TBC1D5: variants seen among roughly 807,000 people sequenced by gnomAD.
The protein encoded by TBC1D5 is TBC1 domain family, member 5.
A neutral mutation model predicts 100.3 loss-of-function variants in TBC1D5; 75 were observed. The observed-to-expected ratio is 0.75, with a 90% CI of 0.62 to 0.91. The LOEUF (loss-of-function observed/expected upper bound fraction) is 0.91. Ranked by LOEUF, TBC1D5 falls within the 40% of genes least tolerant of loss-of-function variation. TBC1D5 has a pLI of 0.00. For synonymous variants in TBC1D5, 323 were observed against 325.6 expected (o/e 0.99, Z 0.09); for missense variants, 910 against 942.4 (o/e 0.97, Z 0.45).
At chr3:17,464,474 T>C (rs796744345) in intron 3 of TBC1D5, among the ~76,000 whole-genome samples, 5 of 152,338 alleles carry the variant, frequency 3.3e-5, no homozygotes, top group Admixed American at 1.3e-4. Context: ...ACTATTTCTT[T>C]CATGTAAACT....
At chr3:17,314,021 C>G (rs1393346729) in intron 13 of TBC1D5, among the ~76,000 whole-genome samples, 1 of 152,166 alleles carries the variant, frequency 6.6e-6, no homozygotes, top group African/African-American at 2.4e-5. Flanking sequence ...TGCCCTGACC[C>G]TGTCTTGCAG....
intron 3 of TBC1D5, among the ~76,000 whole-genome samples, chr3:17,471,791 A>G (rs1307886154): frequency 6.6e-6 from 1 of 152,162 alleles, no homozygotes. Context: ...GTGTTTTTCA[A>G]CCTGAGGAAA....
At chr3:17,210,183 T>C (rs2072773912) in intron 18 of TBC1D5, among the ~76,000 whole-genome samples, 1 of 152,034 alleles carries the variant, frequency 6.6e-6, no homozygotes, top group African/African-American at 2.4e-5. Context: ...GTAATTTTTT[T>C]TCAGAACTTT....
intron 18 of TBC1D5, among the ~76,000 whole-genome samples, chr3:17,200,136 C>A (rs975716696): frequency 6.6e-6 from 1 of 152,096 alleles, no homozygotes; most frequent in Non-Finnish European, 1.5e-5. Context: ...TAACATAAGG[C>A]CAATTTGTTC....
intron 1 of TBC1D5, among the ~76,000 whole-genome samples, chr3:17,674,261 T>G (rs567297060): frequency 6.6e-6 from 1 of 152,188 alleles, no homozygotes; most frequent in African/African-American, 2.4e-5. Flanking sequence ...CTTTGAAAAT[T>G]TGACAGGTCA....
chr3:17,433,105 TA>T (rs754297460), intron 3 of TBC1D5, among the ~76,000 whole-genome samples: 3 of 152,074 alleles, frequency 2.0e-5, no homozygotes, highest in Non-Finnish European at 4.4e-5. Context: ...GTCTGGTACT[TA>T]GTTCTCGAAG....
chr3:17,646,521 C>T (rs2065029240), intron 1 of TBC1D5, among the ~76,000 whole-genome samples: 2 of 152,128 alleles, frequency 1.3e-5, no homozygotes, highest in Non-Finnish European at 2.9e-5. Context: ...TCTTGCTCCT[C>T]TTTCAATTAC....
At chr3:17,593,507 C>G (rs879813791) in intron 2 of TBC1D5, among the ~76,000 whole-genome samples, 1 of 152,212 alleles carries the variant, frequency 6.6e-6, no homozygotes, top group African/African-American at 2.4e-5. Flanking sequence ...GTTGATTATA[C>G]TGGACCTGTT....
intron 3 of TBC1D5, among the ~76,000 whole-genome samples, chr3:17,492,035 T>C (rs1219245490): frequency 6.6e-6 from 1 of 152,186 alleles, no homozygotes; most frequent in Non-Finnish European, 1.5e-5. Flanking sequence ...AGGGTGTATG[T>C]GTACAGGAAT....
At chr3:17,175,039 A>G (rs1171774502) in intron 19 of TBC1D5, among the ~76,000 whole-genome samples, 3 of 152,260 alleles carry the variant, frequency 2.0e-5, no homozygotes, top group Non-Finnish European at 4.4e-5. Context: ...AGAGATACTA[A>G]TATGATTAAC....
chr3:17,676,297 G>A (rs1201680846), intron 1 of TBC1D5, among the ~76,000 whole-genome samples: 1 of 152,064 alleles, frequency 6.6e-6, no homozygotes, highest in Non-Finnish European at 1.5e-5. Context: ...AAATATGTCA[G>A]CAAAGTCTCA....
chr3:17,392,610 C>T (rs553709283), intron 8 of TBC1D5, among the ~76,000 whole-genome samples: 13 of 152,120 alleles, frequency 8.5e-5, no homozygotes, highest in Middle Eastern at 3.4e-3. Context: ...TGAGAACATG[C>T]GGTGTTTGGT....
At chr3:17,294,329 C>T (rs761068001) in intron 14 of TBC1D5, among the ~76,000 whole-genome samples, 27 of 152,156 alleles carry the variant, frequency 1.8e-4, no homozygotes, top group Non-Finnish European at 3.5e-4. Flanking sequence ...ATGCAATCCT[C>T]CTGCCCCAGC....
chr3:17,719,232 G>A (rs2075493124), intron 1 of TBC1D5, among the ~76,000 whole-genome samples: 1 of 152,130 alleles, frequency 6.6e-6, no homozygotes, highest in African/African-American at 2.4e-5. Flanking sequence ...CATACACACT[G>A]ACAAACCACT....
chr3:17,270,086 G>A (rs1012729109), intron 15 of TBC1D5, among the ~76,000 whole-genome samples: 2 of 152,104 alleles, frequency 1.3e-5, no homozygotes, highest in Non-Finnish European at 2.9e-5. Flanking sequence ...TTTCCATAGC[G>A]GCTGAACTAA....
chr3:17,612,816 G>A (rs552958293), intron 2 of TBC1D5, among the ~76,000 whole-genome samples: 76 of 134,248 alleles, frequency 5.7e-4, no homozygotes, highest in Non-Finnish European at 1.0e-3. Context: ...AAATGAACAC[G>A]AAAAAAAAAC....
chr3:17,679,543 ATCC>A (rs2069160958), intron 1 of TBC1D5, among the ~76,000 whole-genome samples: 1 of 151,466 alleles, frequency 6.6e-6, no homozygotes, highest in Non-Finnish European at 1.5e-5. Flanking sequence ...AAGTCTTAAA[ATCC>A]TGCTGTGTAT....
chr3:17,689,731 A>G (rs1238001548), intron 1 of TBC1D5, among the ~76,000 whole-genome samples: 1 of 152,140 alleles, frequency 6.6e-6, no homozygotes, highest in Non-Finnish European at 1.5e-5. Flanking sequence ...TCAACTATGG[A>G]AGACACTGCC....
chr3:17,532,990 AT>A (rs963678049), intron 2 of TBC1D5, among the ~76,000 whole-genome samples: 9 of 149,036 alleles, frequency 6.0e-5, no homozygotes, highest in African/African-American at 2.3e-4. Flanking sequence ...GTATAATAAA[AT>A]TAAAAAAAAA....
Sources: allele counts gnomAD v4.1 joint callset (sites outside exome capture counted in the v4.1 genomes callset), GRCh38; gene constraint gnomAD v4.1.1; transcripts MANE v1.5; gene names NCBI Gene and HGNC (gene_info 2026-07-23, HGNC 2026-07-21).